GFPT2: variants seen among roughly 807,000 people sequenced by gnomAD.
GFPT2 encodes the protein glutamine--fructose-6-phosphate aminotransferase [isomerizing] 2.
A neutral mutation model predicts 85.6 loss-of-function variants in GFPT2; 62 were observed. The ratio of observed to expected loss-of-function variants is 0.72; its 90% CI spans 0.59 to 0.90. GFPT2 has a LOEUF of 0.90. Among genes scored for constraint, GFPT2 ranks in the 40% least tolerant of loss-of-function variants. The pLI, the probability that GFPT2 is intolerant of heterozygous loss-of-function variation, is 0.00. For synonymous variants in GFPT2, 368 were observed against 344.5 expected, an observed-to-expected ratio of 1.07 and a Z score of -0.75; for missense variants, 788 against 893.4, an observed-to-expected ratio of 0.88 and a Z score of 1.50.
chr5:180,336,055 C>T (rs577158537), intron 3 of GFPT2, 102 bp from the exon 4 acceptor site: 7 of 1,140,558 alleles, frequency 6.1e-6, no homozygotes, highest in South Asian at 3.3e-5. Context: ...TCACCCACAC[C>T]GATGGCACCT....
intron 1 of GFPT2, among the ~76,000 whole-genome samples, chr5:180,340,717 T>C (rs953949256): frequency 6.6e-6 from 1 of 151,360 alleles, no homozygotes; most frequent in Non-Finnish European, 1.5e-5. Context: ...GGTTTCACCA[T>C]GTTAGCCAGG....
chr5:180,309,816 C>CTT (rs34016478), intron 15 of GFPT2, among the ~76,000 whole-genome samples: 8 of 145,724 alleles, frequency 5.5e-5, no homozygotes, highest in African/African-American at 1.8e-4. Context: ...AAGGCCATTC[C>CTT]TTTTTTTTTT....
intron 17 of GFPT2, among the ~76,000 whole-genome samples, chr5:180,304,488 G>T (rs1266763863): frequency 2.0e-5 from 3 of 152,216 alleles, no homozygotes; most frequent in Non-Finnish European, 4.4e-5. Flanking sequence ...CTGCCCCAGG[G>T]ATGTCCACCA....
At chr5:180,319,338 G>A (rs544131781) in intron 9 of GFPT2, among the ~76,000 whole-genome samples, 4 of 152,204 alleles carry the variant, frequency 2.6e-5, no homozygotes, top group Admixed American at 1.3e-4. Flanking sequence ...TTTATAACCG[G>A]TTTCTTCAAA....
At position 180,316,758 on chromosome 5, in the gene GFPT2, A is replaced by C; in HGVS notation, c.1152+6T>G. ...CGACTTCCCCACGCACATGTGTCAC[A>C]CTTACAGCCACGGCAGCGTGGTAGC... On this transcript the variant is annotated splice_donor_region_variant and intron_variant, in intron 12 of 18. Coordinates refer to ENST00000253778, the MANE Select transcript of GFPT2 (RefSeq NM_005110.4). The C allele has an allele frequency of 6.2e-7, 1 of 1,600,280 alleles. No homozygotes were observed. The highest frequency in any genetic ancestry group is 8.6e-7 in the Non-Finnish European group (1 of 1,167,790).
chr5:180,304,635 C>T (rs888922), intron 17 of GFPT2, 137 bp downstream of exon 17: 16 of 794,010 alleles, frequency 2.0e-5, no homozygotes, highest in South Asian at 3.2e-5. Flanking sequence ...TCCCCACAGG[C>T]GGCCCGGGGG....
chr5:180,312,896 C>T (rs995445823), intron 14 of GFPT2, among the ~76,000 whole-genome samples: 6 of 152,220 alleles, frequency 3.9e-5, no homozygotes, highest in Admixed American at 3.3e-4. Context: ...CCTGCCTCAG[C>T]CTCCCGAGTA....
intron 8 of GFPT2, 130 bp from the exon 9 acceptor site, chr5:180,324,435 C>T (rs929095593): frequency 2.6e-5 from 16 of 626,864 alleles, no homozygotes; most frequent in Admixed American, 1.8e-4. Context: ...GCTGTGTCAG[C>T]CAAATCGTGT....
chr5:180,302,381 A>C (rs1480693606), intron 18 of GFPT2, 42 bp downstream of exon 18: 5 of 1,504,244 alleles, frequency 3.3e-6, no homozygotes, highest in Non-Finnish European at 4.6e-6. Context: ...CTCTGGGGTT[A>C]TGTCTCTCCT....
rs1247844786 is a variant in GFPT2, at chr5:180,340,517, T to TG, written c.8-1918_8-1917insC. 3.8e-5 allele frequency among the ~76,000 whole-genome samples: 5 copies of TG among 130,654 alleles called. No individual in the cohort carries two copies. In the South Asian group the frequency reaches 1.0e-3, roughly 26 times the overall value. 85.7% of individuals were successfully genotyped at this position (130,654 alleles called of 152,430 possible). A position where few individuals can be genotyped will look rare whatever the true frequency, so the allele number is the denominator to read the frequency against. On this transcript the variant is annotated intron_variant, in intron 1 of 18. Coordinates refer to ENST00000253778, the MANE Select transcript of GFPT2 (RefSeq NM_005110.4). ...CACCCTGCCTGGCCTGCAGGTTTTT[T>TG]TTTTTTTTTTTTGAGACGGAGTCTA...
At chr5:180,321,779 TTTGTTTTGTTTTG>T (rs770772642) in intron 9 of GFPT2, among the ~76,000 whole-genome samples, 2 of 152,002 alleles carry the variant, frequency 1.3e-5, no homozygotes, top group Non-Finnish European at 2.9e-5. Context: ...TTTGTTTTGT[TTTGTTTTGTTTTG>T]TTTTGTTTTG....
Position 180,301,457 on chromosome 5 carries a change from C to G in GFPT2, c.*107G>C. On this transcript the variant is annotated 3_prime_UTR_variant, in exon 19 of 19. Transcript: ENST00000253778. ...GAAGCTGTCAAGCTCTACAGGAGCA[C>G]GCAGAACATGTGGGATGTCCACTTC... 4.1e-6 allele frequency: 4 copies of G among 979,694 alleles called. No individual in the cohort carries two copies. The highest frequency in any genetic ancestry group is 3.5e-5 in the Admixed American group (2 of 56,916). The allele number at this position is 979,694 out of a possible 1,614,324, so 60.7% of individuals were successfully genotyped here.
chr5:180,338,456 C>G (rs370849069), intron 2 of GFPT2, 37 bp downstream of exon 2: 1 of 1,177,186 alleles, frequency 8.5e-7, no homozygotes, highest in East Asian at 2.4e-5. Flanking sequence ...CAGCGGAGCC[C>G]GGTCCCCAGC....
chr5:180,345,029 C>G (rs1204315104), intron 1 of GFPT2, among the ~76,000 whole-genome samples: 1 of 152,244 alleles, frequency 6.6e-6, no homozygotes, highest in Non-Finnish European at 1.5e-5. Context: ...AACCCCAGCT[C>G]CACCCCTTGA....
At position 180,301,226 on chromosome 5, in the gene GFPT2, ATATCT is replaced by A; in HGVS notation, c.*333_*337del. On this transcript the variant is annotated 3_prime_UTR_variant, in exon 19 of 19. Transcript: ENST00000253778. ...AAAAGCTATACAGTCGTCATTATAA[ATATCT>A]TGTCTTTTAAAACTAACTCTAGTGT... The A allele has an allele frequency of 2.8e-6, 1 of 357,588 alleles. No individual in the cohort carries two copies. 22.2% of individuals were successfully genotyped at this position (357,588 alleles called of 1,614,324 possible).
intron 10 of GFPT2, 92 bp from the exon 11 acceptor site, chr5:180,317,150 T>C: frequency 1.1e-6 from 1 of 874,398 alleles, no homozygotes; most frequent in South Asian, 1.3e-5. Flanking sequence ...TAAAGCTTAC[T>C]GCAGATTCCC....
At chr5:180,337,173 G>A (rs1468447489) in intron 2 of GFPT2, among the ~76,000 whole-genome samples, 5 of 152,236 alleles carry the variant, frequency 3.3e-5, no homozygotes, top group Admixed American at 2.0e-4. Flanking sequence ...GTTTAGGATC[G>A]GCCGGGTGCG....
intron 1 of GFPT2, among the ~76,000 whole-genome samples, chr5:180,339,315 G>A (rs984790780): frequency 2.0e-5 from 3 of 150,498 alleles, no homozygotes; most frequent in Non-Finnish European, 4.4e-5. Context: ...GGGAGCTGGA[G>A]GTTGCAGTGA....
chr5:180,350,005 G>A (rs937492225), intron 1 of GFPT2, among the ~76,000 whole-genome samples: 11 of 151,946 alleles, frequency 7.2e-5, no homozygotes, highest in Non-Finnish European at 1.6e-4. Flanking sequence ...GGTCCATGCT[G>A]CCACACTCCA....
Sources: gnomAD v4.1 joint callset for allele counts (sites outside exome capture counted in the v4.1 genomes callset) on GRCh38, gnomAD v4.1.1 for gene constraint, MANE v1.5 for transcripts, NCBI Gene and HGNC (gene_info 2026-07-23, HGNC 2026-07-21) for gene names.